The following ERBB4 variants were observed in gnomAD, a reference collection of about 807,000 sequenced individuals.
The protein encoded by ERBB4 is receptor tyrosine-protein kinase erbB-4.
Under a neutral mutation model 158.0 loss-of-function variants are expected in ERBB4, and 42 were observed. That is an observed-to-expected ratio of 0.27 (90% confidence interval 0.21 to 0.34). The LOEUF is 0.34. ERBB4 is among the 10% of genes least tolerant of loss of function. ERBB4 has a pLI of 1.00. For missense variants in ERBB4, 1,333 were observed against 1,624.1 expected (o/e 0.82, Z 3.08); for synonymous variants, 583 against 558.7 (o/e 1.04, Z -0.61).
chr2:212,125,388 A>G (rs949410595), intron 1 of ERBB4, among the ~76,000 whole-genome samples: 3 of 152,206 alleles, frequency 2.0e-5, no homozygotes, highest in Non-Finnish European at 2.9e-5. Context: ...AGCACCTACA[A>G]GACCTCAAAC....
chr2:211,704,380 A>G (rs1445774862), intron 10 of ERBB4, among the ~76,000 whole-genome samples, 186 bp from the exon 11 acceptor site: 1 of 152,202 alleles, frequency 6.6e-6, no homozygotes, highest in African/African-American at 2.4e-5. Flanking sequence ...TACCCAATAA[A>G]ACTGTATATG....
In ERBB4 at chr2:211,383,640, T is replaced by G. The variant is rs1237206458; in HGVS notation, c.3902A>C (p.Tyr1301Ser). 6.2e-7 allele frequency: 1 copy of G among 1,613,468 alleles called. No homozygotes were observed. The highest frequency in any genetic ancestry group is 8.5e-7 in the Non-Finnish European group (1 of 1,179,948). ...KPGTVLPPPP[Y>S]RHRNTVV ...TTACACCACAGTATTCCGGTGTCTG[T>G]AAGGTGGAGGCGGCAGCACAGTGCC... Residue 1301 changes from tyrosine (Y) to serine (S), a missense_variant, in exon 28 of 28, where the codon TAC becomes TCC. Tyr to Ser is a moderately radical substitution (Grantham distance 144). Transcript: ENST00000342788.
chr2:211,577,790 TA>T (rs2067936349), intron 19 of ERBB4, among the ~76,000 whole-genome samples: 1 of 152,102 alleles, frequency 6.6e-6, no homozygotes, highest in African/African-American at 2.4e-5. Context: ...CTCAATAAAC[TA>T]GGTATTAAAG....
At chr2:212,264,938 C>T (rs895384890) in intron 1 of ERBB4, among the ~76,000 whole-genome samples, 4 of 152,028 alleles carry the variant, frequency 2.6e-5, no homozygotes, top group African/African-American at 9.7e-5. Context: ...ATCATATTTC[C>T]ACATAGGAAT....
intron 19 of ERBB4, among the ~76,000 whole-genome samples, chr2:211,564,483 T>C (rs183211566): frequency 1.7e-3 from 257 of 152,294 alleles, no homozygotes; most frequent in Admixed American, 3.1e-3. Flanking sequence ...ATGATAAAAA[T>C]ATGGACGATT....
At chr2:211,881,936 A>T (rs908147987) in intron 3 of ERBB4, among the ~76,000 whole-genome samples, 6 of 152,110 alleles carry the variant, frequency 3.9e-5, no homozygotes, top group Admixed American at 2.6e-4. Flanking sequence ...AAGGCATTTT[A>T]TTTCTCGACT....
At chr2:211,393,543 A>C (rs1380500478) in intron 25 of ERBB4, among the ~76,000 whole-genome samples, 2 of 152,184 alleles carry the variant, frequency 1.3e-5, no homozygotes, top group African/African-American at 4.8e-5. Context: ...ATTTTCTCAA[A>C]CAAATTCTTA....
intron 1 of ERBB4, among the ~76,000 whole-genome samples, chr2:212,403,225 A>G (rs554103326): frequency 1.3e-5 from 2 of 152,194 alleles, no homozygotes; most frequent in East Asian, 3.9e-4. Flanking sequence ...CCTAGGTTTC[A>G]TTTCTCTGGC....
At chr2:212,339,595 C>T (rs1369787702) in intron 1 of ERBB4, among the ~76,000 whole-genome samples, 2 of 152,086 alleles carry the variant, frequency 1.3e-5, no homozygotes, top group South Asian at 2.1e-4. Flanking sequence ...TGTACCTGAC[C>T]AAGGTCAGAG....
chr2:212,098,208 G>A (rs2078985442), intron 2 of ERBB4, among the ~76,000 whole-genome samples: 1 of 152,088 alleles, frequency 6.6e-6, no homozygotes, highest in East Asian at 1.9e-4. Flanking sequence ...TCAAAACAAT[G>A]TAACTAATTT....
intron 3 of ERBB4, among the ~76,000 whole-genome samples, chr2:211,794,294 C>T (rs2105871982): frequency 6.6e-6 from 1 of 151,940 alleles, no homozygotes; most frequent in East Asian, 1.9e-4. Context: ...TTAGAGTTCC[C>T]CCTTCCTCTA....
chr2:211,820,314 A>G (rs1376807812), intron 3 of ERBB4, among the ~76,000 whole-genome samples: 10 of 151,930 alleles, frequency 6.6e-5, no homozygotes, highest in African/African-American at 2.4e-4. Flanking sequence ...CTATATGCCA[A>G]TAAATTTGAA....
At chr2:212,266,120 CTG>C (rs2085126981) in intron 1 of ERBB4, among the ~76,000 whole-genome samples, 1 of 151,770 alleles carries the variant, frequency 6.6e-6, no homozygotes, top group African/African-American at 2.4e-5. Flanking sequence ...CTCTCCTATT[CTG>C]TGTCTCCTTC....
intron 1 of ERBB4, among the ~76,000 whole-genome samples, chr2:212,132,089 A>T (rs73071221): frequency 6.6e-6 from 1 of 152,100 alleles, no homozygotes. Flanking sequence ...CATAATATTT[A>T]AGTATTCTTA....
At chr2:212,248,877 C>A (rs1440613454) in intron 1 of ERBB4, among the ~76,000 whole-genome samples, 1 of 152,048 alleles carries the variant, frequency 6.6e-6, no homozygotes, top group Non-Finnish European at 1.5e-5. Context: ...CCAACAGGAG[C>A]TATAGTATCT....
chr2:211,939,864 A>G (rs190508658), intron 3 of ERBB4, among the ~76,000 whole-genome samples: 5,174 of 151,578 alleles, frequency 0.034, 126 homozygotes, highest in Middle Eastern at 0.088. Flanking sequence ...GGAGAATGGC[A>G]TGAACCCGGG....
At chr2:211,641,066 A>G (rs1303341837) in intron 16 of ERBB4, among the ~76,000 whole-genome samples, 1 of 152,100 alleles carries the variant, frequency 6.6e-6, no homozygotes, top group Non-Finnish European at 1.5e-5. Flanking sequence ...ATTTCTTTAC[A>G]TATTTGTTAT....
At chr2:211,508,913 G>A (rs2065819538) in intron 20 of ERBB4, among the ~76,000 whole-genome samples, 1 of 151,416 alleles carries the variant, frequency 6.6e-6, no homozygotes, top group African/African-American at 2.4e-5. Context: ...CTGGGTGACA[G>A]AGCGAGACTG....
At chr2:212,108,653 C>G (rs1383628329) in intron 2 of ERBB4, among the ~76,000 whole-genome samples, 1 of 147,610 alleles carries the variant, frequency 6.8e-6, no homozygotes, top group Non-Finnish European at 1.5e-5. Context: ...GTACATTCAA[C>G]TATTCCCAAT....
Sources: allele counts gnomAD v4.1 joint callset (sites outside exome capture counted in the v4.1 genomes callset), GRCh38; gene constraint gnomAD v4.1.1; transcripts MANE v1.5; gene names NCBI Gene and HGNC (gene_info 2026-07-23, HGNC 2026-07-21).